ADAMTS14: variants seen among roughly 807,000 people sequenced by gnomAD.
ADAMTS14 encodes the protein A disintegrin and metalloproteinase with thrombospondin motifs 14.
ADAMTS14 carries 100 observed loss-of-function variants against 128.6 expected under a neutral mutation model. The ratio of observed to expected loss-of-function variants is 0.78; its 90% CI spans 0.66 to 0.92. The LOEUF is 0.92. Ranked by LOEUF, ADAMTS14 falls within the 40% of genes least tolerant of loss-of-function variation. The pLI is 0.00. For missense variants in ADAMTS14, 1,562 were observed against 1,658.6 expected (o/e 0.94, Z 1.01); for synonymous variants, 665 against 653.8 (o/e 1.02, Z -0.26).
intron 12 of ADAMTS14, 48 bp downstream of exon 12, chr10:70,741,210 G>A (rs752676667): frequency 5.0e-5 from 79 of 1,590,000 alleles, no homozygotes; most frequent in Non-Finnish European, 6.3e-5. Context: ...AGGCATCTGC[G>A]GGGGCTGTGT....
chr10:70,750,026 A>T (rs1842306295), intron 16 of ADAMTS14, 41 bp downstream of exon 16: 1 of 1,603,496 alleles, frequency 6.2e-7, no homozygotes. Context: ...TGCCCACCCC[A>T]CTTGTCCCCT....
intron 2 of ADAMTS14, among the ~76,000 whole-genome samples, chr10:70,681,239 G>C (rs1839793230): frequency 6.6e-6 from 1 of 152,208 alleles, no homozygotes; most frequent in Non-Finnish European, 1.5e-5. Context: ...TTGGAGGTGA[G>C]TACTGAGAAG....
At chr10:70,709,851 C>G (rs1335874026) in intron 4 of ADAMTS14, among the ~76,000 whole-genome samples, 2 of 152,178 alleles carry the variant, frequency 1.3e-5, no homozygotes, top group Non-Finnish European at 2.9e-5. Flanking sequence ...GGATGCCAAA[C>G]AAAATACACT....
chr10:70,743,429 T>C, intron 12 of ADAMTS14, 119 bp from the exon 13 acceptor site: 1 of 1,252,526 alleles, frequency 8.0e-7, no homozygotes, highest in Non-Finnish European at 1.1e-6. Flanking sequence ...CCACACCCAG[T>C]GCTCCCCCAA....
intron 4 of ADAMTS14, among the ~76,000 whole-genome samples, chr10:70,714,961 A>G (rs1236707121): frequency 6.9e-6 from 1 of 143,950 alleles, no homozygotes; most frequent in Non-Finnish European, 1.5e-5. Flanking sequence ...AAAAAAAAAA[A>G]AAAAAAAAAA....
intron 4 of ADAMTS14, among the ~76,000 whole-genome samples, chr10:70,722,579 G>A (rs534183696): frequency 4.1e-4 from 63 of 152,272 alleles, no homozygotes; most frequent in African/African-American, 1.5e-3. Context: ...CTGACTCTGG[G>A]ACTAGGGCAG....
At chr10:70,747,088 A>C (rs148033919) in intron 15 of ADAMTS14, among the ~76,000 whole-genome samples, 6 of 152,324 alleles carry the variant, frequency 3.9e-5, no homozygotes, top group African/African-American at 7.2e-5. Context: ...GATTATCATC[A>C]AAATAGCAAT....
At chr10:70,705,194 C>A (rs1414964155) in intron 3 of ADAMTS14, among the ~76,000 whole-genome samples, 1 of 152,214 alleles carries the variant, frequency 6.6e-6, no homozygotes, top group Non-Finnish European at 1.5e-5. Context: ...CGGTGCTGGG[C>A]CACCAGGCTC....
Position 70,762,332 on chromosome 10 carries a change from C to T in ADAMTS14, c.*1479C>T, listed in dbSNP as rs11572. On this transcript the variant is annotated 3_prime_UTR_variant, in exon 22 of 22. Coordinates refer to ENST00000373207, the MANE Select transcript of ADAMTS14 (RefSeq NM_080722.4). Reference sequence around the variant, plus strand: ...CCTCCCTGGGATGCTGGGGCACACGCGGAGTCATTCCTGTGAGAACCAGCC... The same window carrying T: ...CCTCCCTGGGATGCTGGGGCACACGTGGAGTCATTCCTGTGAGAACCAGCC... 0.66 allele frequency: 100,213 copies of T among 152,254 alleles called. 33,151 individuals are homozygous for T. Among genetic ancestry groups the T allele is most frequent in the East Asian group, 0.76 (3,916 of 5,182 alleles). 9.4% of individuals were successfully genotyped at this position (152,254 alleles called of 1,614,324 possible). A position where few individuals can be genotyped will look rare whatever the true frequency, so the allele number is the denominator to read the frequency against.
At chr10:70,716,474 C>T (rs576254999) in intron 4 of ADAMTS14, among the ~76,000 whole-genome samples, 283 of 152,306 alleles carry the variant, frequency 1.9e-3, no homozygotes, top group Non-Finnish European at 2.7e-3. Flanking sequence ...GTGCAGAGGA[C>T]GGACAGTCAA....
Position 70,673,006 on chromosome 10 carries a change from T to C in ADAMTS14, c.82+122T>C. On this transcript the variant is annotated intron_variant, in intron 1 of 21. Coordinates refer to ENST00000373207, the MANE Select transcript of ADAMTS14 (RefSeq NM_080722.4). ...CGGGTGGGAGGCAGTATGCACACTC[T>C]GGGCTGATTTGCTGTCTTTTCTTCC... 3 of 1,277,538 alleles carry C rather than the reference T, an allele frequency of 2.3e-6. No individual in the cohort carries two copies. In the South Asian group the frequency reaches 6.2e-5, roughly 27 times the overall value. The allele number at this position is 1,277,538 out of a possible 1,614,324, so 79.1% of individuals were successfully genotyped here. A position where few individuals can be genotyped will look rare whatever the true frequency, so the allele number is the denominator to read the frequency against.
At chr10:70,694,762 A>G (rs1032762158) in intron 2 of ADAMTS14, among the ~76,000 whole-genome samples, 1 of 152,190 alleles carries the variant, frequency 6.6e-6, no homozygotes, top group African/African-American at 2.4e-5. Context: ...CTATATATAT[A>G]TAGTTTGTTT....
chr10:70,749,663 GTGT>G (rs1554823183), intron 15 of ADAMTS14, among the ~76,000 whole-genome samples, 156 bp from the exon 16 acceptor site: 2 of 151,554 alleles, frequency 1.3e-5, no homozygotes, highest in Non-Finnish European at 2.9e-5. Flanking sequence ...GACAGGGAGC[GTGT>G]TGACCTGTCT....
rs752215499 is a variant in ADAMTS14, at chr10:70,753,930, G to A, written c.2860G>A (p.Gly954Arg). 5.7e-6 allele frequency: 9 copies of A among 1,587,884 alleles called. No individual in the cohort carries two copies. The Admixed American group carries it at 7.1e-5, about 13-fold the overall frequency. ...HKVMPAKACA[G>R]DRPEARRPCL... ...GGTCATGCCGGCCAAAGCCTGCGCCGGGGACCGGCCTGAGGCCCGACGGCC... is the reference window on the plus strand; with the variant it reads ...GGTCATGCCGGCCAAAGCCTGCGCCAGGGACCGGCCTGAGGCCCGACGGCC... The change falls in exon 19 of 22, where the codon GGG (glycine) becomes AGG (arginine). Residue 954 changes from glycine to arginine, a missense_variant. Gly to Arg is a moderately radical substitution (Grantham distance 125, BLOSUM62 -2). Coordinates refer to ENST00000373207, the MANE Select transcript of ADAMTS14 (RefSeq NM_080722.4).
chr10:70,739,185 T>A (rs1841920533), intron 11 of ADAMTS14, among the ~76,000 whole-genome samples, 195 bp downstream of exon 11: 1 of 152,084 alleles, frequency 6.6e-6, no homozygotes, highest in South Asian at 2.1e-4. Context: ...AACCCTCAGG[T>A]CTGCCTTCTG....
At chr10:70,691,497 A>AC (rs1840185499) in intron 2 of ADAMTS14, among the ~76,000 whole-genome samples, 3 of 142,328 alleles carry the variant, frequency 2.1e-5, no homozygotes, top group East Asian at 3.9e-4. Flanking sequence ...TAAAAAAAAA[A>AC]AAAAAAAAAA....
At chr10:70,684,663 TAA>T (rs1443826127) in intron 2 of ADAMTS14, among the ~76,000 whole-genome samples, 5 of 152,220 alleles carry the variant, frequency 3.3e-5, no homozygotes, top group African/African-American at 9.7e-5. Context: ...CCTGGAGAAA[TAA>T]AAGTTAGCAT....
chr10:70,729,696 C>T lies in ADAMTS14; in HGVS notation c.954+319C>T, dbSNP rs541697882. ...GTTATGGTTGAGCCCTGGTGCCCTGCGCTCTGCAATCTTAGACTACCAGTC... is the reference window on the plus strand; with the variant it reads ...GTTATGGTTGAGCCCTGGTGCCCTGTGCTCTGCAATCTTAGACTACCAGTC... On this transcript the variant is annotated intron_variant, in intron 5 of 21. Coordinates refer to ENST00000373207, the MANE Select transcript of ADAMTS14 (RefSeq NM_080722.4). Among the ~76,000 whole-genome samples, 9 of 152,208 alleles carry T rather than the reference C, an allele frequency of 5.9e-5. No homozygotes were observed. In the East Asian group the frequency reaches 1.4e-3, roughly 23 times the overall value.
chr10:70,738,796 A>G (rs1193683998), intron 10 of ADAMTS14, 46 bp from the exon 11 acceptor site: 1 of 1,609,554 alleles, frequency 6.2e-7, no homozygotes, highest in Admixed American at 1.7e-5. Flanking sequence ...GGGTGGGCTC[A>G]GCAGCAGCAG....
Sources: gnomAD v4.1 joint callset for allele counts (sites outside exome capture counted in the v4.1 genomes callset) on GRCh38, gnomAD v4.1.1 for gene constraint, MANE v1.5 for transcripts, NCBI Gene and HGNC (gene_info 2026-07-23, HGNC 2026-07-21) for gene names.